PPARGC1A: variants seen among roughly 807,000 people sequenced by gnomAD.
PPARGC1A encodes PPARG coactivator 1 alpha.
In PPARGC1A, 25 loss-of-function variants were observed where a neutral mutation model predicts 88.7. That is an observed-to-expected ratio of 0.28 (90% CI 0.21 to 0.39). The LOEUF (loss-of-function observed/expected upper bound fraction) is 0.39, where lower values mean the gene tolerates loss of function less well. PPARGC1A is among the 10% of genes least tolerant of loss of function. PPARGC1A has a pLI of 1.00. For synonymous variants in PPARGC1A, 363 were observed against 355.6 expected (o/e 1.02, Z -0.24); for missense variants, 880 against 968.7 (o/e 0.91, Z 1.22).
At chr4:24,422,325 G>A in the PPARGC1A span, among the ~76,000 whole-genome samples, 1 of 152,176 alleles carries the variant, frequency 6.6e-6, no homozygotes, top group Admixed American at 6.5e-5. Flanking sequence ...ATCCTAGATT[G>A]TCAAAGGAAA....
the PPARGC1A span, among the ~76,000 whole-genome samples, chr4:24,041,291 T>C: frequency 2.0e-5 from 3 of 152,254 alleles, no homozygotes. Context: ...CTCCAACTCC[T>C]CCCTGCTGGG....
chr4:24,454,317 C>T, the PPARGC1A span, among the ~76,000 whole-genome samples: 3 of 151,358 alleles, frequency 2.0e-5, no homozygotes, highest in African/African-American at 7.3e-5. Context: ...TATATGGTTT[C>T]AGTTTTAAGA....
At chr4:24,325,439 A>T in the PPARGC1A span, among the ~76,000 whole-genome samples, 15 of 152,322 alleles carry the variant, frequency 9.8e-5, no homozygotes, top group African/African-American at 3.6e-4. Flanking sequence ...CCTGAACCGC[A>T]GGGGCCAGGT....
chr4:24,165,389 ACT>A, the PPARGC1A span, among the ~76,000 whole-genome samples: 6 of 152,242 alleles, frequency 3.9e-5, 1 homozygote, highest in African/African-American at 9.6e-5. Context: ...AAATGATGAA[ACT>A]CTCTGGATTT....
At chr4:24,375,106 A>G in the PPARGC1A span, among the ~76,000 whole-genome samples, 1 of 151,872 alleles carries the variant, frequency 6.6e-6, no homozygotes, top group African/African-American at 2.4e-5. Flanking sequence ...AATATCCACC[A>G]TTAAAACTCC....
intron 5 of PPARGC1A, among the ~76,000 whole-genome samples, chr4:23,826,854 T>C (rs1037090770): frequency 6.6e-6 from 1 of 152,046 alleles, no homozygotes; most frequent in Non-Finnish European, 1.5e-5. Context: ...TTTGTAAAAG[T>C]TTACTAAAAG....
chr4:23,893,515 T>A (rs1041082594), upstream of PPARGC1A, among the ~76,000 whole-genome samples: 1 of 152,194 alleles, frequency 6.6e-6, no homozygotes, highest in Admixed American at 6.6e-5. Flanking sequence ...AACAAAAAAC[T>A]ACCAGACTGC....
chr4:24,142,323 G>A, the PPARGC1A span, among the ~76,000 whole-genome samples: 1 of 152,164 alleles, frequency 6.6e-6, no homozygotes, highest in East Asian at 1.9e-4. Context: ...GATAAGAACT[G>A]TGGAGAAAAA....
the PPARGC1A span, among the ~76,000 whole-genome samples, chr4:23,947,397 A>ATATATATAT: frequency 2.5e-3 from 31 of 12,180 alleles, no homozygotes; most frequent in African/African-American, 3.2e-3. Context: ...ATATATATAT[A>ATATATATAT]AAAAAAACGG....
the PPARGC1A span, among the ~76,000 whole-genome samples, chr4:24,087,148 A>G: frequency 6.6e-6 from 1 of 152,218 alleles, no homozygotes; most frequent in Non-Finnish European, 1.5e-5. Flanking sequence ...TCCAGGGGAA[A>G]AAAGGTAGAA....
chr4:24,208,142 G>A, the PPARGC1A span, among the ~76,000 whole-genome samples: 1 of 152,104 alleles, frequency 6.6e-6, no homozygotes, highest in African/African-American at 2.4e-5. Flanking sequence ...AATTATCTGG[G>A]CGCATTGGTG....
the PPARGC1A span, among the ~76,000 whole-genome samples, chr4:23,975,362 G>A: frequency 6.6e-6 from 1 of 152,064 alleles, no homozygotes; most frequent in African/African-American, 2.4e-5. Flanking sequence ...ATTAAAGAAT[G>A]AGTTGAACTA....
intron 2 of PPARGC1A, among the ~76,000 whole-genome samples, chr4:23,843,407 A>T (rs1344267370): frequency 1.3e-5 from 2 of 152,102 alleles, no homozygotes; most frequent in Non-Finnish European, 2.9e-5. Context: ...AACCTTAATA[A>T]GACCTACAGT....
chr4:24,024,939 C>T, the PPARGC1A span, among the ~76,000 whole-genome samples: 1 of 152,168 alleles, frequency 6.6e-6, no homozygotes, highest in Non-Finnish European at 1.5e-5. Flanking sequence ...GGCTTGATTC[C>T]TTAAAGCATG....
the PPARGC1A span, among the ~76,000 whole-genome samples, chr4:24,122,551 T>C: frequency 6.6e-6 from 1 of 151,988 alleles, no homozygotes. Context: ...TCAGCACACA[T>C]TTAATGAGCA....
At chr4:24,166,705 A>G in the PPARGC1A span, among the ~76,000 whole-genome samples, 6 of 152,246 alleles carry the variant, frequency 3.9e-5, no homozygotes, top group Non-Finnish European at 8.8e-5. Flanking sequence ...TCTCTGCTCT[A>G]TAAATGGAAC....
chr4:23,862,728 T>C (rs748999029), intron 2 of PPARGC1A, among the ~76,000 whole-genome samples: 10 of 152,232 alleles, frequency 6.6e-5, no homozygotes, highest in African/African-American at 1.2e-4. Context: ...AGTATTATTA[T>C]TATTGGCAAG....
At chr4:24,229,727 C>A in the PPARGC1A span, among the ~76,000 whole-genome samples, 1 of 151,754 alleles carries the variant, frequency 6.6e-6, no homozygotes, top group East Asian at 2.0e-4. Flanking sequence ...TGCCTGTAAT[C>A]CGAACTACCT....
At chr4:23,934,325 G>A in the PPARGC1A span, among the ~76,000 whole-genome samples, 4 of 152,206 alleles carry the variant, frequency 2.6e-5, no homozygotes, top group African/African-American at 9.7e-5. Flanking sequence ...ACAGAGCAGA[G>A]GCCCAGCCTC....
Sources: allele counts gnomAD v4.1 joint callset (sites outside exome capture counted in the v4.1 genomes callset), GRCh38; gene constraint gnomAD v4.1.1; transcripts MANE v1.5; gene names NCBI Gene and HGNC (gene_info 2026-07-23, HGNC 2026-07-21).